The following GPC6 variants were observed in gnomAD, a reference collection of about 807,000 sequenced individuals.
The protein encoded by GPC6 is glypican 6.
A neutral mutation model predicts 55.2 loss-of-function variants in GPC6; 14 were observed. The ratio of observed to expected loss-of-function variants is 0.25; its 90% CI spans 0.17 to 0.40. The LOEUF (loss-of-function observed/expected upper bound fraction) is 0.40, where lower values mean the gene tolerates loss of function less well. GPC6 is among the 10% of genes least tolerant of loss of function. The pLI is 1.00. For missense variants in GPC6, 641 were observed against 708.5 expected (o/e 0.90, Z 1.08); for synonymous variants, 278 against 259.6 (o/e 1.07, Z -0.68).
At chr13:94,083,901 CAG>C (rs1885193571) in intron 4 of GPC6, among the ~76,000 whole-genome samples, 2 of 152,272 alleles carry the variant, frequency 1.3e-5, no homozygotes, top group South Asian at 4.2e-4. Context: ...TGAGAATAAA[CAG>C]AGCACAGGGC....
At chr13:94,059,929 C>G (rs1325688131) in intron 4 of GPC6, among the ~76,000 whole-genome samples, 1 of 152,064 alleles carries the variant, frequency 6.6e-6, no homozygotes, top group Non-Finnish European at 1.5e-5. Context: ...GTGGCAGCCT[C>G]TTTCCCTGCT....
chr13:94,367,625 T>C (rs1034891735), intron 6 of GPC6, among the ~76,000 whole-genome samples: 27 of 151,660 alleles, frequency 1.8e-4, no homozygotes, highest in African/African-American at 6.5e-4. Flanking sequence ...TTCAGGGGCA[T>C]GCATGCCCTT....
chr13:93,232,189 T>C (rs1400555640), intron 1 of GPC6, among the ~76,000 whole-genome samples: 1 of 152,152 alleles, frequency 6.6e-6, no homozygotes, highest in Non-Finnish European at 1.5e-5. Context: ...AAAGCCACAG[T>C]AAATATCGTA....
At chr13:94,337,161 T>C (rs1307979417) in intron 6 of GPC6, among the ~76,000 whole-genome samples, 1 of 152,126 alleles carries the variant, frequency 6.6e-6, no homozygotes, top group Non-Finnish European at 1.5e-5. Context: ...TGAGGAGAAA[T>C]GATACAGAAC....
At chr13:93,896,278 TG>T (rs1442408345) in intron 3 of GPC6, among the ~76,000 whole-genome samples, 3 of 152,040 alleles carry the variant, frequency 2.0e-5, no homozygotes, top group Non-Finnish European at 4.4e-5. Flanking sequence ...TCAATAGACA[TG>T]GATAAATATT....
intron 3 of GPC6, among the ~76,000 whole-genome samples, chr13:93,994,897 T>A (rs1881468780): frequency 6.6e-6 from 1 of 152,224 alleles, no homozygotes; most frequent in Non-Finnish European, 1.5e-5. Context: ...TGAGAATTCA[T>A]AGTCTGTGCC....
chr13:93,404,226 G>C (rs985224444), intron 1 of GPC6, among the ~76,000 whole-genome samples: 1 of 152,072 alleles, frequency 6.6e-6, no homozygotes, highest in South Asian at 2.1e-4. Flanking sequence ...ACGAAGACTG[G>C]AGTTCTGGGA....
At chr13:94,113,768 C>T (rs1886329955) in intron 4 of GPC6, among the ~76,000 whole-genome samples, 2 of 152,096 alleles carry the variant, frequency 1.3e-5, no homozygotes, top group Middle Eastern at 3.4e-3. Flanking sequence ...CGCCTGCAAT[C>T]CCAGCACTTT....
At chr13:93,539,354 T>C (rs1378397193) in intron 1 of GPC6, among the ~76,000 whole-genome samples, 1 of 152,148 alleles carries the variant, frequency 6.6e-6, no homozygotes, top group Non-Finnish European at 1.5e-5. Flanking sequence ...AATCATCACG[T>C]GAAAGATGAT....
intron 2 of GPC6, among the ~76,000 whole-genome samples, chr13:93,697,766 T>G (rs1377762470): frequency 1.3e-5 from 2 of 152,208 alleles, no homozygotes; most frequent in Non-Finnish European, 2.9e-5. Context: ...GATTAGATCA[T>G]ACATAACACT....
intron 1 of GPC6, among the ~76,000 whole-genome samples, chr13:93,452,449 G>A (rs1878265538): frequency 6.6e-6 from 1 of 152,120 alleles, no homozygotes; most frequent in South Asian, 2.1e-4. Flanking sequence ...ATTGTCATCT[G>A]TTTTAAAATA....
At chr13:93,847,828 G>A (rs1264447364) in intron 3 of GPC6, among the ~76,000 whole-genome samples, 1 of 152,138 alleles carries the variant, frequency 6.6e-6, no homozygotes, top group Middle Eastern at 3.2e-3. Flanking sequence ...CCTGGCAGAA[G>A]TATATGCCTC....
At chr13:94,354,149 G>C (rs562175148) in intron 6 of GPC6, among the ~76,000 whole-genome samples, 12 of 152,242 alleles carry the variant, frequency 7.9e-5, no homozygotes, top group Non-Finnish European at 1.5e-4. Flanking sequence ...AACATATTCT[G>C]TTCTTTTCCC....
chr13:93,807,945 G>A (rs1402182683), intron 2 of GPC6, among the ~76,000 whole-genome samples: 2 of 152,182 alleles, frequency 1.3e-5, no homozygotes, highest in Non-Finnish European at 2.9e-5. Context: ...AAAGGCAACA[G>A]TTTAAGGAAT....
intron 3 of GPC6, among the ~76,000 whole-genome samples, chr13:93,845,829 G>GTT (rs1289601179): frequency 1.6e-5 from 2 of 124,398 alleles, no homozygotes; most frequent in Non-Finnish European, 3.2e-5. Context: ...TCTGGGGACT[G>GTT]TTGTGGGGTG....
chr13:93,869,073 A>G (rs1463996429), intron 3 of GPC6, among the ~76,000 whole-genome samples: 2 of 151,832 alleles, frequency 1.3e-5, no homozygotes, highest in African/African-American at 2.4e-5. Flanking sequence ...CCGTGCTACT[A>G]AGTAATGTAG....
intron 4 of GPC6, among the ~76,000 whole-genome samples, chr13:94,271,380 G>GCACACA (rs1195447524): frequency 1.5e-3 from 165 of 112,596 alleles, no homozygotes; most frequent in African/African-American, 4.0e-3. Flanking sequence ...GCGCGCGCGC[G>GCACACA]CGCACACACA....
chr13:93,623,880 T>C (rs532661039), intron 2 of GPC6, among the ~76,000 whole-genome samples: 1 of 152,178 alleles, frequency 6.6e-6, no homozygotes, highest in Non-Finnish European at 1.5e-5. Flanking sequence ...GTTGGTCATT[T>C]GTATGTTTTC....
chr13:94,096,619 G>C (rs1885667052), intron 4 of GPC6, among the ~76,000 whole-genome samples: 1 of 152,080 alleles, frequency 6.6e-6, no homozygotes, highest in Non-Finnish European at 1.5e-5. Context: ...TCACGGTCCA[G>C]GTGAGAAATA....
Sources: gnomAD v4.1 joint callset for allele counts (sites outside exome capture counted in the v4.1 genomes callset) on GRCh38, gnomAD v4.1.1 for gene constraint, MANE v1.5 for transcripts, NCBI Gene and HGNC (gene_info 2026-07-23, HGNC 2026-07-21) for gene names.